Variants in KPNA3 observed in about 807,000 individuals in gnomAD.
The protein encoded by KPNA3 is karyopherin subunit alpha 3, also known as importin subunit alpha-4.
Under a neutral mutation model 73.8 loss-of-function variants are expected in KPNA3, and 13 were observed. The ratio of observed to expected loss-of-function variants is 0.18; its 90% confidence interval spans 0.11 to 0.28. KPNA3 has a LOEUF of 0.28. Ranked by LOEUF, KPNA3 falls within the 10% of genes least tolerant of loss-of-function variation. The pLI is 1.00. For missense variants in KPNA3, 360 were observed against 618.1 expected (o/e 0.58, Z 4.43); for synonymous variants, 186 against 206.9 (o/e 0.90, Z 0.87).
At chr13:49,739,768 G>A (rs1229518161) in intron 2 of KPNA3, among the ~76,000 whole-genome samples, 1 of 152,162 alleles carries the variant, frequency 6.6e-6, no homozygotes, top group East Asian at 1.9e-4. Context: ...AAAAAGGTGG[G>A]GAGGTGAGCT....
chr13:49,701,445 A>G lies in KPNA3; in HGVS notation c.*355T>C, dbSNP rs1954146809. The G allele has an allele frequency of 4.2e-6, 2 of 477,268 alleles. No homozygotes were observed. Among genetic ancestry groups the G allele is most frequent in the Admixed American group, 2.3e-5 (1 of 42,648 alleles). 29.6% of individuals were successfully genotyped at this position (477,268 alleles called of 1,614,324 possible). A position where few individuals can be genotyped will look rare whatever the true frequency, so the allele number is the denominator to read the frequency against. On this transcript the variant is annotated 3_prime_UTR_variant, in exon 17 of 17. Transcript: ENST00000261667. The stretch of plus-strand genomic sequence containing the variant: ...AAAGTGTCTTGATCCACAGCGCACC[A>G]TTTTCCAAAGGAGTATCAGTGGGCA...
At chr13:49,754,831 A>T (rs2137576485) in intron 1 of KPNA3, among the ~76,000 whole-genome samples, 1 of 152,296 alleles carries the variant, frequency 6.6e-6, no homozygotes, top group Non-Finnish European at 1.5e-5. Context: ...CTCACTCAAT[A>T]TGAAATACCT....
At chr13:49,763,081 A>C (rs1954782167) in intron 1 of KPNA3, among the ~76,000 whole-genome samples, 1 of 152,132 alleles carries the variant, frequency 6.6e-6, no homozygotes, top group South Asian at 2.1e-4. Context: ...AGTTAAACCT[A>C]AATTAACACT....
rs552319660 is a variant in KPNA3, at chr13:49,703,356, G to A, written c.1373-876C>T. Among the ~76,000 whole-genome samples the A allele has an allele frequency of 1.5e-4, 22 of 148,638 alleles. No individual in the cohort carries two copies. The East Asian group carries it at 3.4e-3, about 23-fold the overall frequency. On this transcript the variant is annotated intron_variant, in intron 15 of 16. Transcript: ENST00000261667. The stretch of plus-strand genomic sequence containing the variant: ...CCACTATGCCCAGCTAATTTTTTGT[G>A]TTTTTAGTAGAGACGGGGTTTCACC...
chr13:49,740,239 C>A (rs1954560893), intron 2 of KPNA3, among the ~76,000 whole-genome samples: 1 of 150,836 alleles, frequency 6.6e-6, no homozygotes. Context: ...AGAATGAGAC[C>A]CCATCTCAGA....
chr13:49,704,824 T>C (rs796263426), intron 15 of KPNA3, among the ~76,000 whole-genome samples: 16 of 152,338 alleles, frequency 1.1e-4, no homozygotes, highest in African/African-American at 3.6e-4. Flanking sequence ...CATTACAAGA[T>C]TGAAACAAAA....
At chr13:49,779,082 G>C (rs905848768) in intron 1 of KPNA3, among the ~76,000 whole-genome samples, 1 of 148,380 alleles carries the variant, frequency 6.7e-6, no homozygotes, top group Non-Finnish European at 1.5e-5. Context: ...AAATTCCAAC[G>C]TTCCTGCTAG....
At chr13:49,787,935 C>T (rs1954998398) in intron 1 of KPNA3, among the ~76,000 whole-genome samples, 1 of 152,194 alleles carries the variant, frequency 6.6e-6, no homozygotes, top group Non-Finnish European at 1.5e-5. Context: ...CTGCCTCGGC[C>T]TCCCAAAGTG....
chr13:49,771,478 G>A (rs148737575), intron 1 of KPNA3, among the ~76,000 whole-genome samples: 2 of 151,848 alleles, frequency 1.3e-5, no homozygotes, highest in Admixed American at 6.6e-5. Flanking sequence ...TTTTTAAGAC[G>A]GGGTCTCACT....
chr13:49,766,743 T>TA (rs756289368), intron 1 of KPNA3, among the ~76,000 whole-genome samples: 1 of 152,064 alleles, frequency 6.6e-6, no homozygotes, highest in Non-Finnish European at 1.5e-5. Flanking sequence ...AGTTACAGAT[T>TA]AAAAAAATAT....
At position 49,750,282 on chromosome 13, in the gene KPNA3, T is replaced by C. The variant is rs530849739; in HGVS notation, c.70-3289A>G. 6.6e-5 allele frequency among the ~76,000 whole-genome samples: 10 copies of C among 152,320 alleles called. No individual in the cohort carries two copies. In the East Asian group the frequency reaches 1.9e-3, roughly 29 times the overall value. On this transcript the variant is annotated intron_variant, in intron 1 of 16. Coordinates refer to ENST00000261667, the MANE Select transcript of KPNA3 (RefSeq NM_002267.4). ...TTAAGTGGTTACATTATAAATGATA[T>C]TAAGTACCTACATCATGCTCTTATT...
Position 49,756,534 on chromosome 13 carries a change from G to C in KPNA3, c.70-9541C>G, listed in dbSNP as rs193142375. Among the ~76,000 whole-genome samples the C allele has an allele frequency of 3.6e-3, 550 of 152,330 alleles. 3 individuals are homozygous for C. Among genetic ancestry groups the C allele is most frequent in the Non-Finnish European group, 4.5e-3 (307 of 68,038 alleles). ...ATTACACCACTGCACTCCAGCCTCA[G>C]TGACAGAGCAAGATCCTGTTTCTAG... On this transcript the variant is annotated intron_variant, in intron 1 of 16. Coordinates refer to ENST00000261667, the MANE Select transcript of KPNA3 (RefSeq NM_002267.4).
intron 2 of KPNA3, among the ~76,000 whole-genome samples, chr13:49,739,733 G>A (rs778809832): frequency 4.6e-5 from 7 of 152,168 alleles, no homozygotes; most frequent in Non-Finnish European, 1.0e-4. Flanking sequence ...TTTACCTTCA[G>A]GGTGATAAGC....
intron 6 of KPNA3, among the ~76,000 whole-genome samples, chr13:49,728,622 C>CA (rs1429905015): frequency 1.3e-5 from 2 of 152,124 alleles, no homozygotes; most frequent in African/African-American, 4.8e-5. Context: ...ACAATCGAAG[C>CA]AAAAGTGGAC....
intron 7 of KPNA3, among the ~76,000 whole-genome samples, chr13:49,725,067 CAAT>C (rs1954397136): frequency 1.3e-5 from 2 of 152,128 alleles, no homozygotes; most frequent in African/African-American, 4.8e-5. Context: ...TGTCATTTAA[CAAT>C]AATTATTAGC....
intron 1 of KPNA3, among the ~76,000 whole-genome samples, chr13:49,786,125 C>A (rs1043681987): frequency 6.6e-6 from 1 of 152,148 alleles, no homozygotes; most frequent in African/African-American, 2.4e-5. Context: ...ACAGGCTGTT[C>A]AAGGAGGGCT....
intron 1 of KPNA3, among the ~76,000 whole-genome samples, chr13:49,768,515 CGTTT>C (rs1188729463): frequency 7.1e-6 from 1 of 140,206 alleles, no homozygotes; most frequent in East Asian, 2.2e-4. Context: ...TTGATCATCT[CGTTT>C]GTTTTTTATT....
At chr13:49,780,116 A>T (rs80334773) in intron 1 of KPNA3, among the ~76,000 whole-genome samples, 1 of 152,050 alleles carries the variant, frequency 6.6e-6, no homozygotes, top group Non-Finnish European at 1.5e-5. Flanking sequence ...TACTCTAGCC[A>T]TTGCTTGAGC....
intron 1 of KPNA3, among the ~76,000 whole-genome samples, chr13:49,754,715 T>C (rs964247544): frequency 6.6e-6 from 1 of 150,620 alleles, no homozygotes; most frequent in Non-Finnish European, 1.5e-5. Flanking sequence ...CTACAGACTT[T>C]GCAGACATCA....
Sources: allele counts gnomAD v4.1 joint callset (sites outside exome capture counted in the v4.1 genomes callset), GRCh38; gene constraint gnomAD v4.1.1; transcripts MANE v1.5; gene names NCBI Gene and HGNC (gene_info 2026-07-23, HGNC 2026-07-21).